PLEKHG7: variants seen among roughly 807,000 people sequenced by gnomAD.
PLEKHG7 encodes pleckstrin homology and RhoGEF domain containing G7.
Under a neutral mutation model 85.2 loss-of-function variants are expected in PLEKHG7, and 77 were observed. The observed-to-expected ratio is 0.90, with a 90% CI of 0.75 to 1.09. The LOEUF (loss-of-function observed/expected upper bound fraction) is 1.09, where lower values mean the gene tolerates loss of function less well. Among genes scored for constraint, PLEKHG7 ranks in the 50% least tolerant of loss-of-function variants. PLEKHG7 has a pLI of 0.00. For missense variants in PLEKHG7, 777 were observed against 804.3 expected, an observed-to-expected ratio of 0.97 and a Z score of 0.41; for synonymous variants, 301 against 302.4, an observed-to-expected ratio of 1.00 and a Z score of 0.05.
At chr12:92,706,294 TGAGAAGGCTG>T (rs1481282489) in intron 1 of PLEKHG7, among the ~76,000 whole-genome samples, 167 bp from the exon 2 acceptor site, 2 of 152,206 alleles carry the variant, frequency 1.3e-5, no homozygotes, top group African/African-American at 4.8e-5. Context: ...GCTATTTAGA[TGAGAAGGCTG>T]GAGTCACGTA....
intron 3 of PLEKHG7, among the ~76,000 whole-genome samples, chr12:92,726,900 G>A (rs769341813): frequency 3.9e-4 from 60 of 152,104 alleles, no homozygotes; most frequent in Admixed American, 3.7e-3. Context: ...TCAGATCATC[G>A]GGGAACCATG....
At chr12:92,761,380 T>C (rs556859910) in intron 13 of PLEKHG7, among the ~76,000 whole-genome samples, 1 of 152,182 alleles carries the variant, frequency 6.6e-6, no homozygotes, top group South Asian at 2.1e-4. Flanking sequence ...ATAAATTCAA[T>C]GTCTTTAATG....
chr12:92,706,054 T>G (rs1365878080), intron 1 of PLEKHG7, among the ~76,000 whole-genome samples: 1 of 152,200 alleles, frequency 6.6e-6, no homozygotes, highest in Non-Finnish European at 1.5e-5. Context: ...GGAAGGAGGC[T>G]TGTTTTCCTT....
intron 16 of PLEKHG7, 49 bp from the exon 17 acceptor site, chr12:92,770,039 G>T (rs553034502): frequency 8.0e-7 from 1 of 1,244,308 alleles, no homozygotes; most frequent in East Asian, 2.4e-5. Context: ...GAAATTGTCA[G>T]CTTAACATTC....
chr12:92,740,037 G>C (rs1207647313), intron 7 of PLEKHG7, among the ~76,000 whole-genome samples: 1 of 152,120 alleles, frequency 6.6e-6, no homozygotes, highest in Admixed American at 6.6e-5. Context: ...AGGTGATTCC[G>C]ATGCAAGTTC....
At chr12:92,736,956 T>C (rs1872169655) in intron 6 of PLEKHG7, among the ~76,000 whole-genome samples, 1 of 152,214 alleles carries the variant, frequency 6.6e-6, no homozygotes, top group Non-Finnish European at 1.5e-5. Context: ...CACTTCATGC[T>C]TCTTCAGTAG....
At chr12:92,759,548 A>G (rs1372232743) in intron 13 of PLEKHG7, among the ~76,000 whole-genome samples, 1 of 152,190 alleles carries the variant, frequency 6.6e-6, no homozygotes, top group African/African-American at 2.4e-5. Flanking sequence ...GGAATAAGGA[A>G]GAAATGCAGG....
At chr12:92,761,679 AAAGAAAGG>A (rs1359158056) in intron 13 of PLEKHG7, 65 bp from the exon 14 acceptor site, 39 of 1,280,952 alleles carry the variant, frequency 3.0e-5, no homozygotes, top group Middle Eastern at 1.9e-4. Context: ...AGAAAGAAAG[AAAGAAAGG>A]GAAAGAAAAA....
rs975767104 is a variant in PLEKHG7, at chr12:92,737,425, C to T, written c.843C>T (p.Thr281=). 2.9e-4 allele frequency: 455 copies of T among 1,572,348 alleles called. 1 individual carries two copies. The highest frequency in any genetic ancestry group is 3.5e-4 in the Non-Finnish European group (406 of 1,166,874). Residue 281 remains threonine (T), a synonymous_variant, in exon 7 of 17, where the codon ACC becomes ACT. Transcript: ENST00000344636. Reference sequence around the variant, plus strand: ...TGGAAACACATCACAAACTCCCGACCGATCAATTAGACCTGAAAAAGCAGC... The same window carrying T: ...TGGAAACACATCACAAACTCCCGACTGATCAATTAGACCTGAAAAAGCAGC... ...EVLETHHKLP[T]DQLDLKKQQE...
chr12:92,735,832 C>A (rs1872129183), intron 5 of PLEKHG7, among the ~76,000 whole-genome samples: 2 of 152,106 alleles, frequency 1.3e-5, no homozygotes, highest in South Asian at 4.1e-4. Context: ...GGGGTGAAGA[C>A]ACATTTCATG....
chr12:92,764,407 C>CAAG (rs1019973331), intron 15 of PLEKHG7, among the ~76,000 whole-genome samples: 3 of 152,116 alleles, frequency 2.0e-5, no homozygotes, highest in African/African-American at 7.2e-5. Flanking sequence ...TGACCTTAGA[C>CAAG]AAGAGACTCT....
At chr12:92,742,446 A>G (rs1399746592) in intron 9 of PLEKHG7, among the ~76,000 whole-genome samples, 1 of 152,194 alleles carries the variant, frequency 6.6e-6, no homozygotes, top group African/African-American at 2.4e-5. Context: ...ACAGATAGGA[A>G]ATGCTTCCTG....
chr12:92,764,105 T>C lies in PLEKHG7; in HGVS notation c.1781T>C (p.Ile594Thr), dbSNP rs774304433. ...CTTACTCCTGAGTTGCAAGCAGTAA[T>C]AAAAGAGGGTGGTTCGTGTACAGTA... ...PSLTPELQAV[I>T]KEGGSCTVLD... Residue 594 changes from isoleucine (I) to threonine (T), a missense_variant, in exon 15 of 17, where the codon ATA becomes ACA. Coordinates refer to ENST00000344636, the MANE Select transcript of PLEKHG7 (RefSeq NM_001377329.1). 5 of 1,613,230 alleles carry C rather than the reference T, an allele frequency of 3.1e-6. No individual in the cohort carries two copies. The highest frequency in any genetic ancestry group is 1.3e-5 in the African/African-American group (1 of 74,870).
chr12:92,761,690 A>C, intron 13 of PLEKHG7, 62 bp from the exon 14 acceptor site: 1 of 1,422,898 alleles, frequency 7.0e-7, no homozygotes, highest in Non-Finnish European at 9.2e-7. Flanking sequence ...AAGAAAGGGA[A>C]AGAAAAACTC....
chr12:92,766,706 T>A (rs1873209624), intron 15 of PLEKHG7, among the ~76,000 whole-genome samples: 1 of 152,062 alleles, frequency 6.6e-6, no homozygotes, highest in Non-Finnish European at 1.5e-5. Context: ...GGCACACACC[T>A]GTAATTCCAG....
chr12:92,730,585 T>C (rs1404266909), intron 4 of PLEKHG7, among the ~76,000 whole-genome samples: 3 of 152,184 alleles, frequency 2.0e-5, no homozygotes, highest in African/African-American at 7.2e-5. Flanking sequence ...GCCTGGCTAA[T>C]TTTTTTGTAC....
intron 3 of PLEKHG7, among the ~76,000 whole-genome samples, chr12:92,726,605 A>G (rs963057470): frequency 7.9e-5 from 12 of 152,170 alleles, no homozygotes; most frequent in Non-Finnish European, 1.5e-4. Flanking sequence ...CCCCAGCACG[A>G]CAGACCCCTT....
chr12:92,745,274 T>C (rs1176953296), intron 9 of PLEKHG7, among the ~76,000 whole-genome samples: 1 of 152,230 alleles, frequency 6.6e-6, no homozygotes, highest in African/African-American at 2.4e-5. Flanking sequence ...CTGTTTATTA[T>C]GAGAGTACGA....
In PLEKHG7 at chr12:92,770,475, T is replaced by C; in HGVS notation, c.*280T>C. ...TGTAAGAGGTGTGAGTGAAGAAAGG[T>C]GCTAATTTGTAAAGGGTGAATGATC... On this transcript the variant is annotated 3_prime_UTR_variant, in exon 17 of 17. Coordinates refer to ENST00000344636, the MANE Select transcript of PLEKHG7 (RefSeq NM_001377329.1). 1 of 319,128 alleles carries C rather than the reference T, an allele frequency of 3.1e-6. No individual in the cohort carries two copies. Among genetic ancestry groups the C allele is most frequent in the South Asian group, 4.2e-5 (1 of 23,820 alleles). The allele number at this position is 319,128 out of a possible 1,614,324, so 19.8% of individuals were successfully genotyped here.
Sources: gnomAD v4.1 joint callset for allele counts (sites outside exome capture counted in the v4.1 genomes callset) on GRCh38, gnomAD v4.1.1 for gene constraint, MANE v1.5 for transcripts, NCBI Gene and HGNC (gene_info 2026-07-23, HGNC 2026-07-21) for gene names.